The following ORC5 variants were observed in gnomAD, a reference collection of about 807,000 sequenced individuals.
ORC5 encodes the protein protein phosphatase 1, regulatory subunit 117.
In ORC5, 39 loss-of-function variants were observed where a neutral mutation model predicts 58.8. That is an observed-to-expected ratio of 0.66 (90% CI 0.51 to 0.87). ORC5 has a LOEUF of 0.87. ORC5 is among the 40% of genes least tolerant of loss of function. The probability of loss-of-function intolerance (pLI) is 0.00; values close to 1 mark genes in which losing one functional copy is unlikely to be tolerated. For missense variants in ORC5, 493 were observed against 506.3 expected (o/e 0.97, Z 0.25); for synonymous variants, 218 against 177.6 (o/e 1.23, Z -1.81).
rs758871492 is a variant in ORC5 at position 104,136,789 on chromosome 7, A to G, written c.1254T>C (p.Ala418=). Residue 418 remains alanine (A), a synonymous_variant, in exon 13 of 14, where the codon GCT becomes GCC. Transcript: ENST00000297431. This position sits in a 1 kb window ranked among gnomAD's most constrained non-coding sequence, Gnocchi z 4.2. ...KCTVSLDFIR[A]IARTVNFDII... is the part of the protein sequence containing the mutation. ...AATTCAAGACATTTTACCTTGCAAT[A>G]GCTCTGATGAAGTCTAGAGACACTG... is the stretch of plus-strand genomic sequence containing the variant. 1 of 1,604,388 alleles carries G rather than the reference A, an allele frequency of 6.2e-7. No individual in the cohort carries two copies. Among genetic ancestry groups the G allele is most frequent in the South Asian group, 1.1e-5 (1 of 90,736 alleles).
In ORC5 at chr7:104,135,464, AC is replaced by A. The variant is rs539876130; in HGVS notation, c.1262+1316del. On this transcript the variant is annotated intron_variant, in intron 13 of 13. Transcript: ENST00000297431. Reference sequence around the variant, plus strand: ...CATCATATTATCACAGAACTTAAAAACATTTTTTATAGAGACGGGGGTCTCA... The same window carrying A: ...CATCATATTATCACAGAACTTAAAAAATTTTTTATAGAGACGGGGGTCTCA... Among the ~76,000 whole-genome samples the A allele has an allele frequency of 9.2e-5, 14 of 152,256 alleles. 1 individual carries two copies. The South Asian group carries it at 2.9e-3, about 32-fold the overall frequency.
At chr7:104,206,708 T>G (rs902565928) in intron 1 of ORC5, among the ~76,000 whole-genome samples, 1 of 152,210 alleles carries the variant, frequency 6.6e-6, no homozygotes, top group African/African-American at 2.4e-5. Context: ...GAAAGTACAG[T>G]CACGTGTACA....
At chr7:104,151,018 G>GT (rs1798837125) in intron 12 of ORC5, among the ~76,000 whole-genome samples, 1 of 152,150 alleles carries the variant, frequency 6.6e-6, no homozygotes. Context: ...CTCGATAGTT[G>GT]TAAGGGGAAA....
At chr7:104,196,350 A>G (rs1035727699) in intron 4 of ORC5, among the ~76,000 whole-genome samples, 2 of 152,194 alleles carry the variant, frequency 1.3e-5, no homozygotes, top group African/African-American at 4.8e-5. Flanking sequence ...AAATAAATAA[A>G]AGGAAAGGAA....
intron 8 of ORC5, among the ~76,000 whole-genome samples, chr7:104,183,109 T>C (rs1333696157): frequency 6.6e-6 from 1 of 152,228 alleles, no homozygotes; most frequent in African/African-American, 2.4e-5. Flanking sequence ...CACTCCAGCC[T>C]GGGCAACAAG....
chr7:104,162,744 G>A lies in ORC5; in HGVS notation c.1039-1562C>T, dbSNP rs1799044876. Among the ~76,000 whole-genome samples the A allele has an allele frequency of 2.0e-5, 3 of 152,178 alleles. No individual in the cohort carries two copies. The South Asian group carries it at 6.2e-4, about 32-fold the overall frequency. Reference sequence around the variant, plus strand: ...TTATCAAATATACTGTGCAATAAGTGCAGAGAAACAAAACATTAGATCACA... The same window carrying A: ...TTATCAAATATACTGTGCAATAAGTACAGAGAAACAAAACATTAGATCACA... On this transcript the variant is annotated intron_variant, in intron 11 of 13. Coordinates refer to ENST00000297431, the MANE Select transcript of ORC5 (RefSeq NM_002553.4).
intron 8 of ORC5, among the ~76,000 whole-genome samples, chr7:104,179,375 A>T (rs1342456820): frequency 6.6e-6 from 1 of 152,220 alleles, no homozygotes; most frequent in African/African-American, 2.4e-5. Context: ...GTAAGTCATT[A>T]CAAGGTTTGT....
chr7:104,150,226 T>C (rs1798822560), intron 12 of ORC5, among the ~76,000 whole-genome samples: 1 of 152,232 alleles, frequency 6.6e-6, no homozygotes, highest in Non-Finnish European at 1.5e-5. Flanking sequence ...TTTTATACGT[T>C]CATAGGTTGT....
chr7:104,194,989 C>G (rs1429303745), intron 5 of ORC5, among the ~76,000 whole-genome samples, 154 bp downstream of exon 5: 33 of 152,120 alleles, frequency 2.2e-4, no homozygotes, highest in African/African-American at 7.7e-4. Context: ...ATTTCAATAT[C>G]AAATTCCCAT....
intron 5 of ORC5, among the ~76,000 whole-genome samples, chr7:104,189,537 G>C (rs1206133460): frequency 6.6e-6 from 1 of 152,054 alleles, no homozygotes; most frequent in Non-Finnish European, 1.5e-5. Context: ...AAAAGGAGAA[G>C]GGCTAAAGAC....
At chr7:104,195,454 T>G (rs1018398043) in intron 4 of ORC5, among the ~76,000 whole-genome samples, 200 bp from the exon 5 acceptor site, 1 of 152,106 alleles carries the variant, frequency 6.6e-6, no homozygotes, top group Non-Finnish European at 1.5e-5. Context: ...CAAGCTGGAG[T>G]GCAGTGGCAT....
chr7:104,169,217 A>G (rs956755871), intron 8 of ORC5, among the ~76,000 whole-genome samples: 1 of 152,242 alleles, frequency 6.6e-6, no homozygotes, highest in Non-Finnish European at 1.5e-5. Flanking sequence ...CAAAGTAGGT[A>G]TCACACCAGA....
intron 11 of ORC5, among the ~76,000 whole-genome samples, chr7:104,162,741 A>C (rs80164533): frequency 0.044 from 6,774 of 152,316 alleles, 497 homozygotes; most frequent in African/African-American, 0.15. Context: ...CTGTGCAATA[A>C]GTGCAGAGAA....
In ORC5 at chr7:104,126,887, C is replaced by T; in HGVS notation, c.1269G>A (p.Val423=). Reference sequence around the variant, plus strand: ...ACAAGTATTTTATTATGTCAAAGTTCACCGTCCTAAAAACAAAAACAGATA... The same window carrying T: ...ACAAGTATTTTATTATGTCAAAGTTTACCGTCCTAAAAACAAAAACAGATA... ...LDFIRAIART[V]NFDIIKYLYD... is the part of the protein sequence containing the mutation. Residue 423 remains valine (V), a synonymous_variant, in exon 14 of 14, where the codon GTG becomes GTA. Coordinates refer to ENST00000297431, the MANE Select transcript of ORC5 (RefSeq NM_002553.4). 1 of 1,606,272 alleles carries T rather than the reference C, an allele frequency of 6.2e-7. No individual in the cohort carries two copies. The highest frequency in any genetic ancestry group is 8.5e-7 in the Non-Finnish European group (1 of 1,174,042).
intron 12 of ORC5, among the ~76,000 whole-genome samples, chr7:104,141,646 T>C (rs1798675187): frequency 6.6e-6 from 1 of 152,044 alleles, no homozygotes; most frequent in Non-Finnish European, 1.5e-5. Flanking sequence ...AGTTGCAGAA[T>C]ACAAAAATCA....
chr7:104,162,361 C>T (rs1470752202), intron 11 of ORC5, among the ~76,000 whole-genome samples: 1 of 152,046 alleles, frequency 6.6e-6, no homozygotes, highest in Non-Finnish European at 1.5e-5. Flanking sequence ...TTAGTTTTGC[C>T]GTGTAGGACA....
At chr7:104,149,204 A>G (rs1251876905) in intron 12 of ORC5, among the ~76,000 whole-genome samples, 1 of 152,164 alleles carries the variant, frequency 6.6e-6, no homozygotes, top group Non-Finnish European at 1.5e-5. Flanking sequence ...ATATTAAAAT[A>G]CATTAAAAGA....
intron 8 of ORC5, among the ~76,000 whole-genome samples, chr7:104,174,645 C>T (rs565908896): frequency 5.3e-4 from 81 of 152,302 alleles, no homozygotes; most frequent in African/African-American, 1.9e-3. Context: ...TTGGTCACAG[C>T]TGGCACCATG....
At chr7:104,205,893 C>T (rs1800068926) in intron 1 of ORC5, among the ~76,000 whole-genome samples, 1 of 152,168 alleles carries the variant, frequency 6.6e-6, no homozygotes, top group African/African-American at 2.4e-5. Flanking sequence ...CCTGTGGTCC[C>T]AGCTACTCGG....
Sources: gnomAD v4.1 joint callset for allele counts (sites outside exome capture counted in the v4.1 genomes callset) on GRCh38, gnomAD v4.1.1 for gene constraint, Gnocchi (gnomAD v3.1) non-coding constraint, MANE v1.5 for transcripts, NCBI Gene and HGNC (gene_info 2026-07-23, HGNC 2026-07-21) for gene names.